DLG2: variants seen among roughly 807,000 people sequenced by gnomAD.
DLG2 encodes discs large MAGUK scaffold protein 2.
In DLG2, 45 loss-of-function variants were observed where a neutral mutation model predicts 132.5. That is an observed-to-expected ratio of 0.34 (90% CI 0.27 to 0.44). The LOEUF is 0.44. DLG2 is among the 20% of genes least tolerant of loss of function. DLG2 has a pLI of 1.00. For synonymous variants in DLG2, 424 were observed against 419.6 expected (o/e 1.01, Z -0.13); for missense variants, 1,045 against 1,196.9 (o/e 0.87, Z 1.87).
intron 15 of DLG2, among the ~76,000 whole-genome samples, chr11:83,881,613 CA>C (rs2066288435): frequency 6.6e-6 from 1 of 152,166 alleles, no homozygotes; most frequent in Non-Finnish European, 1.5e-5. Context: ...AGTTAGTCCA[CA>C]AGTTGCGCTG....
chr11:85,213,408 G>T (rs191538648), intron 4 of DLG2, among the ~76,000 whole-genome samples: 63 of 152,140 alleles, frequency 4.1e-4, no homozygotes, highest in African/African-American at 1.5e-3. Context: ...GAGTGGGGGT[G>T]GGGGTGGAAC....
rs1565814926 is a variant in DLG2 at position 84,733,050 on chromosome 11, T to C, written c.358-198319A>G. On this transcript the variant is annotated intron_variant, in intron 6 of 27. Transcript: ENST00000376104. ...TAATCCAATCTATCATTGTTGGACA[T>C]TTGGGTTGGTTCCAAGTCTTTGCTA... Among the ~76,000 whole-genome samples the C allele has an allele frequency of 4.6e-5, 7 of 152,194 alleles. No homozygotes were observed. In the South Asian group the frequency reaches 1.2e-3, roughly 27 times the overall value.
At chr11:83,899,610 T>C (rs1009134434) in intron 15 of DLG2, among the ~76,000 whole-genome samples, 8 of 152,194 alleles carry the variant, frequency 5.3e-5, no homozygotes, top group Non-Finnish European at 7.4e-5. Context: ...GGAGTTTCCC[T>C]GCACAAGCTC....
intron 6 of DLG2, among the ~76,000 whole-genome samples, chr11:84,754,608 A>G (rs555693010): frequency 1.3e-5 from 2 of 152,300 alleles, no homozygotes; most frequent in East Asian, 1.9e-4. Context: ...AGATAGCAAA[A>G]AGATCAGTGG....
At chr11:85,176,475 A>G (rs1270520465) in intron 4 of DLG2, among the ~76,000 whole-genome samples, 2 of 152,204 alleles carry the variant, frequency 1.3e-5, no homozygotes, top group Non-Finnish European at 2.9e-5. Context: ...AGATGGATTA[A>G]TGATCTAAAT....
chr11:84,268,574 G>C (rs973888153), intron 7 of DLG2, among the ~76,000 whole-genome samples: 6 of 150,038 alleles, frequency 4.0e-5, no homozygotes, highest in South Asian at 4.2e-4. Flanking sequence ...CCATTCTCCT[G>C]TCTCAGCCTC....
intron 3 of DLG2, among the ~76,000 whole-genome samples, chr11:85,480,248 G>A (rs1458979605): frequency 6.6e-6 from 1 of 152,190 alleles, no homozygotes; most frequent in East Asian, 1.9e-4. Context: ...CCACAACTAT[G>A]TATTTAGTCT....
intron 17 of DLG2, among the ~76,000 whole-genome samples, chr11:83,826,669 T>G (rs1003324144): frequency 2.0e-5 from 3 of 152,172 alleles, no homozygotes; most frequent in Non-Finnish European, 4.4e-5. Context: ...CTCCACTTAG[T>G]TGGATTTCAC....
At chr11:83,491,496 A>G (rs1385231873) in intron 21 of DLG2, among the ~76,000 whole-genome samples, 2 of 152,002 alleles carry the variant, frequency 1.3e-5, no homozygotes, top group Non-Finnish European at 2.9e-5. Flanking sequence ...TCCCCCATTT[A>G]TGTTATTTCT....
At chr11:83,865,238 C>G (rs990659991) in intron 16 of DLG2, among the ~76,000 whole-genome samples, 9 of 152,076 alleles carry the variant, frequency 5.9e-5, no homozygotes, top group African/African-American at 1.7e-4. Flanking sequence ...GTGCAGGAGA[C>G]AGCCATCTAG....
rs2099015478 is a variant in DLG2 at position 84,440,969 on chromosome 11, GA to G, written c.519+93600del. Among the ~76,000 whole-genome samples the G allele has an allele frequency of 2.6e-5, 4 of 152,162 alleles. No homozygotes were observed. The South Asian group carries it at 8.3e-4, about 32-fold the overall frequency. ...CCAAGGAATTAATATCTGGTGGCCT[GA>G]AAAGCTATGTAATTTCAGTGTTGAA... On this transcript the variant is annotated intron_variant, in intron 7 of 27. Coordinates refer to ENST00000376104, the MANE Select transcript of DLG2 (RefSeq NM_001142699.3).
chr11:83,999,322 C>T (rs1450599234), intron 11 of DLG2, among the ~76,000 whole-genome samples: 1 of 152,180 alleles, frequency 6.6e-6, no homozygotes, highest in Non-Finnish European at 1.5e-5. Context: ...ACTTACTCCT[C>T]AGCTGGCACC....
At chr11:84,207,835 A>G (rs2096693859) in intron 8 of DLG2, among the ~76,000 whole-genome samples, 2 of 152,354 alleles carry the variant, frequency 1.3e-5, no homozygotes, top group South Asian at 4.1e-4. Flanking sequence ...GAAAGTGAAA[A>G]TGTAAGCCAC....
intron 7 of DLG2, among the ~76,000 whole-genome samples, chr11:84,406,254 C>T (rs1424572500): frequency 1.3e-5 from 2 of 152,130 alleles, no homozygotes; most frequent in Non-Finnish European, 1.5e-5. Context: ...TCTGCCCTTG[C>T]CCTGCCTATC....
At chr11:85,493,553 C>T (rs567819383) in intron 3 of DLG2, among the ~76,000 whole-genome samples, 3 of 152,182 alleles carry the variant, frequency 2.0e-5, no homozygotes, top group African/African-American at 7.2e-5. Context: ...GTAATAACAA[C>T]TACTTGGGAG....
intron 4 of DLG2, among the ~76,000 whole-genome samples, chr11:85,181,206 A>G (rs2079670764): frequency 6.6e-6 from 1 of 151,384 alleles, no homozygotes; most frequent in Non-Finnish European, 1.5e-5. Flanking sequence ...ATATATATGT[A>G]TATGTATATG....
At chr11:85,374,595 C>T (rs1244290542) in intron 3 of DLG2, among the ~76,000 whole-genome samples, 5 of 152,068 alleles carry the variant, frequency 3.3e-5, no homozygotes, top group Admixed American at 6.6e-5. Flanking sequence ...GTGATCTACC[C>T]GCCTCAGCCT....
At chr11:85,416,354 A>G (rs2089845696) in intron 3 of DLG2, among the ~76,000 whole-genome samples, 1 of 152,136 alleles carries the variant, frequency 6.6e-6, no homozygotes, top group Non-Finnish European at 1.5e-5. Context: ...GCCTTGTAGT[A>G]TAGTTTGAAG....
At chr11:85,188,508 C>T (rs2080294022) in intron 4 of DLG2, among the ~76,000 whole-genome samples, 1 of 152,066 alleles carries the variant, frequency 6.6e-6, no homozygotes, top group African/African-American at 2.4e-5. Context: ...AAGAGAAAAG[C>T]AGTCAACAGA....
Sources: gnomAD v4.1 joint callset for allele counts (sites outside exome capture counted in the v4.1 genomes callset) on GRCh38, gnomAD v4.1.1 for gene constraint, MANE v1.5 for transcripts, NCBI Gene and HGNC (gene_info 2026-07-23, HGNC 2026-07-21) for gene names.